The following PRKCE variants were observed in gnomAD, a reference collection of about 807,000 sequenced individuals.
The protein encoded by PRKCE is protein kinase C epsilon.
A neutral mutation model predicts 85.4 loss-of-function variants in PRKCE; 16 were observed. That is an observed-to-expected ratio of 0.19 (90% CI 0.13 to 0.28). PRKCE has a LOEUF of 0.28. Among genes scored for constraint, PRKCE ranks in the 10% least tolerant of loss-of-function variants. PRKCE has a pLI of 1.00. For synonymous variants in PRKCE, 388 were observed against 371.5 expected (o/e 1.04, Z -0.51); for missense variants, 573 against 975.2 (o/e 0.59, Z 5.49).
intron 12 of PRKCE, among the ~76,000 whole-genome samples, chr2:46,150,520 C>A (rs1290500556): frequency 2.0e-5 from 3 of 152,130 alleles, no homozygotes; most frequent in African/African-American, 7.2e-5. Flanking sequence ...GAGACTTATT[C>A]ATTGCAGTTT....
Position 46,004,168 on chromosome 2 carries a change from C to G in PRKCE, c.967-374C>G. On this transcript the variant is annotated intron_variant, in intron 7 of 14. Transcript: ENST00000306156. The surrounding 1 kb of genome is among the most constrained non-coding windows in gnomAD (Gnocchi z 4.1). ...ATGTATTTCTTCCTGTAAACCTGGA[C>G]TACTTTTCCAGCTTGCTAACCTTTA... 3.4e-6 allele frequency: 1 copy of G among 296,712 alleles called. No individual in the cohort carries two copies. Among genetic ancestry groups the G allele is most frequent in the Non-Finnish European group, 6.6e-6 (1 of 150,946 alleles). 18.4% of individuals were successfully genotyped at this position (296,712 alleles called of 1,614,324 possible).
intron 1 of PRKCE, among the ~76,000 whole-genome samples, chr2:45,822,142 T>C (rs963073866): frequency 6.6e-6 from 1 of 152,224 alleles, no homozygotes; most frequent in African/African-American, 2.4e-5. Flanking sequence ...GGTTGTGTAA[T>C]GTCCACACAT....
At chr2:45,864,328 A>G (rs960897516) in intron 2 of PRKCE, among the ~76,000 whole-genome samples, 1 of 152,170 alleles carries the variant, frequency 6.6e-6, no homozygotes, top group African/African-American at 2.4e-5. Context: ...AGAAGGCAAG[A>G]CCTCAGAAAG....
chr2:45,944,684 T>TTTTTTTG (rs1700120657), intron 2 of PRKCE, among the ~76,000 whole-genome samples: 5 of 126,796 alleles, frequency 3.9e-5, no homozygotes, highest in African/African-American at 8.6e-5. Flanking sequence ...TTTTTTTTTG[T>TTTTTTTG]AGAGACAGGA....
chr2:46,143,140 A>T (rs967059598), intron 11 of PRKCE, among the ~76,000 whole-genome samples: 1 of 152,202 alleles, frequency 6.6e-6, no homozygotes, highest in African/African-American at 2.4e-5. Flanking sequence ...GGTAGTTGCC[A>T]CATGTGCTCC....
Position 45,884,984 on chromosome 2 carries a change from TATATATA to T in PRKCE, c.412+41922_412+41928del, listed in dbSNP as rs1360962453. Among the ~76,000 whole-genome samples the T allele has an allele frequency of 1.6e-3, 122 of 77,104 alleles. 4 individuals are homozygous for T. The highest frequency in any genetic ancestry group is 3.0e-3 in the Non-Finnish European group (104 of 35,130). The allele number at this position is 77,104 out of a possible 152,430, so 50.6% of individuals were successfully genotyped here. On this transcript the variant is annotated intron_variant, in intron 2 of 14. Coordinates refer to ENST00000306156, the MANE Select transcript of PRKCE (RefSeq NM_005400.3). ...ATATATATATATATATATATATATA[TATATATA>T]TATATATATATTTGTTGTTGTTGTT...
In PRKCE at chr2:45,682,227, A is replaced by G. The variant is rs1048672562; in HGVS notation, c.348+29779A>G. On this transcript the variant is annotated intron_variant, in intron 1 of 14. Transcript: ENST00000306156. ...AATATGATTTCTTATTCTTTTTTTCAGATAACATGATTTCTAACTCATTTT... is the reference window on the plus strand; with the variant it reads ...AATATGATTTCTTATTCTTTTTTTCGGATAACATGATTTCTAACTCATTTT... 6.6e-5 allele frequency among the ~76,000 whole-genome samples: 10 copies of G among 152,132 alleles called. No homozygotes were observed. In the East Asian group the frequency reaches 1.7e-3, roughly 26 times the overall value.
intron 10 of PRKCE, among the ~76,000 whole-genome samples, chr2:46,023,012 A>G (rs1050169058): frequency 8.6e-5 from 12 of 139,354 alleles, no homozygotes; most frequent in Admixed American, 1.5e-4. Context: ...GAACCCGGGA[A>G]GCGGAGCTTG....
chr2:45,794,382 T>C (rs1351353221), intron 1 of PRKCE, among the ~76,000 whole-genome samples: 3 of 152,088 alleles, frequency 2.0e-5, no homozygotes, highest in African/African-American at 2.4e-5. Flanking sequence ...TTTTTGAAAA[T>C]GGCAAATGCA....
rs753039458 is a variant in PRKCE, at chr2:46,001,534, G to A, written c.954G>A (p.Gln318=). The A allele has an allele frequency of 6.3e-7, 1 of 1,598,694 alleles. No individual in the cohort carries two copies. The highest frequency in any genetic ancestry group is 2.2e-5 in the East Asian group (1 of 44,856). The change falls in exon 7 of 15, where the codon CAG becomes CAA. Residue 318 remains glutamine (Q), a synonymous_variant. Coordinates refer to ENST00000306156, the MANE Select transcript of PRKCE (RefSeq NM_005400.3). The surrounding 1 kb of genome is among the most constrained non-coding windows in gnomAD (Gnocchi z 4.4). The part of the protein sequence containing the change: ...VTPDKITNSG[Q]RRKKLIAGAE... Reference sequence around the variant, plus strand: ...CAGACAAAATCACCAACAGCGGCCAGAGAAGGAAAAAGGTAACTGGCTGTT... The same window carrying A: ...CAGACAAAATCACCAACAGCGGCCAAAGAAGGAAAAAGGTAACTGGCTGTT...
At chr2:45,707,745 A>T (rs1679233898) in intron 1 of PRKCE, among the ~76,000 whole-genome samples, 1 of 152,230 alleles carries the variant, frequency 6.6e-6, no homozygotes, top group African/African-American at 2.4e-5. Flanking sequence ...TATGAAATAA[A>T]ATGGAAATAG....
intron 14 of PRKCE, among the ~76,000 whole-genome samples, chr2:46,165,098 C>G (rs1678204120): frequency 6.6e-6 from 1 of 152,232 alleles, no homozygotes; most frequent in African/African-American, 2.4e-5. Flanking sequence ...CCTGCCCTGA[C>G]TCACCAGCTG....
intron 1 of PRKCE, among the ~76,000 whole-genome samples, chr2:45,815,333 G>T (rs1053982072): frequency 1.3e-5 from 2 of 152,216 alleles, no homozygotes; most frequent in Non-Finnish European, 2.9e-5. Context: ...AGCTGCAAGT[G>T]TAGCAGGCAG....
chr2:46,026,190 ATGGGAG>A (rs1472141517), intron 10 of PRKCE, among the ~76,000 whole-genome samples: 1 of 152,240 alleles, frequency 6.6e-6, no homozygotes, highest in Non-Finnish European at 1.5e-5. Context: ...CTGCAGGATC[ATGGGAG>A]TAAAAAGCGC....
At chr2:45,960,800 A>G (rs987836424) in intron 2 of PRKCE, among the ~76,000 whole-genome samples, 1 of 152,150 alleles carries the variant, frequency 6.6e-6, no homozygotes, top group Admixed American at 6.5e-5. Context: ...TGACTGAAAA[A>G]TTCCCCAAAT....
At chr2:46,023,151 G>C (rs534752373) in intron 10 of PRKCE, among the ~76,000 whole-genome samples, 1 of 148,704 alleles carries the variant, frequency 6.7e-6, no homozygotes, top group East Asian at 2.0e-4. Flanking sequence ...TGAGAGCTTT[G>C]TCATGTTTCT....
intron 10 of PRKCE, among the ~76,000 whole-genome samples, chr2:46,045,171 A>G (rs1235119099): frequency 6.6e-6 from 1 of 152,226 alleles, no homozygotes; most frequent in Non-Finnish European, 1.5e-5. Flanking sequence ...TATAGCAAAA[A>G]TAGGAATTCC....
At chr2:45,901,055 A>G (rs6749091) in intron 2 of PRKCE, among the ~76,000 whole-genome samples, 6,091 of 152,308 alleles carry the variant, frequency 0.04, 399 homozygotes, top group African/African-American at 0.14. Context: ...TTGGCTAGGG[A>G]AAGATTCTGA....
At chr2:45,953,768 G>A (rs1574007875) in intron 2 of PRKCE, among the ~76,000 whole-genome samples, 1 of 152,218 alleles carries the variant, frequency 6.6e-6, no homozygotes, top group Non-Finnish European at 1.5e-5. Context: ...TCAGTTGTCT[G>A]TGGTGGGCCA....
Sources: allele counts gnomAD v4.1 joint callset (sites outside exome capture counted in the v4.1 genomes callset), GRCh38; gene constraint gnomAD v4.1.1; non-coding constraint Gnocchi (gnomAD v3.1); transcripts MANE v1.5; gene names NCBI Gene and HGNC (gene_info 2026-07-23, HGNC 2026-07-21).